The following RPGRIP1L variants were observed in gnomAD, a reference collection of about 807,000 sequenced individuals.
RPGRIP1L encodes the protein protein fantom.
RPGRIP1L carries 131 observed loss-of-function variants against 160.4 expected under a neutral mutation model. The ratio of observed to expected loss-of-function variants is 0.82; its 90% confidence interval spans 0.71 to 0.94. The LOEUF is 0.94. Among genes scored for constraint, RPGRIP1L ranks in the 40% least tolerant of loss-of-function variants. RPGRIP1L has a pLI of 0.00. For synonymous variants in RPGRIP1L, 510 were observed against 515.8 expected, an observed-to-expected ratio of 0.99 and a Z score of 0.15; for missense variants, 1,522 against 1,535.8, an observed-to-expected ratio of 0.99 and a Z score of 0.15.
At chr16:53,649,878 C>A in intron 15 of RPGRIP1L, among the ~76,000 whole-genome samples, 1 of 152,178 alleles carries the variant, frequency 6.6e-6, no homozygotes. Context: ...GCCATAATTT[C>A]CACCAATATA....
intron 26 of RPGRIP1L, among the ~76,000 whole-genome samples, chr16:53,603,147 G>C (rs535820765): frequency 6.6e-6 from 1 of 152,286 alleles, no homozygotes; most frequent in African/African-American, 2.4e-5. Flanking sequence ...AGCCCCGAAG[G>C]TAGACTATTT....
chr16:53,666,576 G>GTGTA (rs1487866997), intron 9 of RPGRIP1L, among the ~76,000 whole-genome samples: 6 of 128,238 alleles, frequency 4.7e-5, no homozygotes, highest in Admixed American at 2.8e-4. Flanking sequence ...ATGTGTGTGT[G>GTGTA]TGTGTGTGTG....
rs1249622165 is a variant in RPGRIP1L at position 53,608,065 on chromosome 16, C to G, written c.3702-2451G>C. On this transcript the variant is annotated intron_variant, in intron 25 of 26. Transcript: ENST00000647211. The stretch of plus-strand genomic sequence containing the variant: ...AGAACAGGAAGTGCTACCTGAGCTA[C>G]TCCTGCCTCCTCTTCCCACCTCTTT... 3.8e-6 allele frequency: 2 copies of G among 525,876 alleles called. 1 individual carries two copies. Among genetic ancestry groups the G allele is most frequent in the South Asian group, 1.6e-4 (2 of 12,214 alleles). The allele number at this position is 525,876 out of a possible 1,614,324, so 32.6% of individuals were successfully genotyped here.
intron 2 of RPGRIP1L, among the ~76,000 whole-genome samples, chr16:53,698,377 C>A (rs556603133): frequency 7.8e-6 from 1 of 128,498 alleles, no homozygotes; most frequent in Non-Finnish European, 1.5e-5. Flanking sequence ...GGGGGGTCAG[C>A]CCCCCGCCCG....
At chr16:53,660,792 C>T (rs752648384) in intron 10 of RPGRIP1L, among the ~76,000 whole-genome samples, 83 of 151,102 alleles carry the variant, frequency 5.5e-4, no homozygotes, top group Admixed American at 9.2e-4. Context: ...ACTCAGGAGG[C>T]TGAGGCAGGA....
chr16:53,688,959 C>T (rs1970205293), intron 4 of RPGRIP1L, among the ~76,000 whole-genome samples: 1 of 151,696 alleles, frequency 6.6e-6, no homozygotes, highest in Non-Finnish European at 1.5e-5. Flanking sequence ...AATTCTTACG[C>T]TTTTCCTACA....
chr16:53,687,801 T>TAA, intron 5 of RPGRIP1L, 62 bp downstream of exon 5: 7 of 872,232 alleles, frequency 8.0e-6, no homozygotes, highest in East Asian at 2.8e-5. Context: ...AAGGGAAGGA[T>TAA]AAAAAAAAAA....
rs1313966096 is a variant in RPGRIP1L, at chr16:53,646,015, T to C, written c.2305-12A>G. The C allele has an allele frequency of 6.2e-7, 1 of 1,612,664 alleles. No homozygotes were observed. Among genetic ancestry groups the C allele is most frequent in the Non-Finnish European group, 8.5e-7 (1 of 1,178,716 alleles). On this transcript the variant is annotated splice_polypyrimidine_tract_variant and intron_variant, in intron 16 of 26. Coordinates refer to ENST00000647211, the MANE Select transcript of RPGRIP1L (RefSeq NM_015272.5). ...GCTTGCTGACTTAACTGGAAAAACATACATATTTATATTAAGGAAATAACA... is the reference window on the plus strand; with the variant it reads ...GCTTGCTGACTTAACTGGAAAAACACACATATTTATATTAAGGAAATAACA...
In RPGRIP1L at chr16:53,598,339, G is replaced by A. The variant is rs1311458502; in HGVS notation, c.*3737C>T. Reference sequence around the variant, plus strand: ...GATCGAAGTCTAAGAGTACCAGATTGCACTTCCAAAAGCCTGAAGGAAAAA... The same window carrying A: ...GATCGAAGTCTAAGAGTACCAGATTACACTTCCAAAAGCCTGAAGGAAAAA... On this transcript the variant is annotated 3_prime_UTR_variant, in exon 27 of 27. Coordinates refer to ENST00000647211, the MANE Select transcript of RPGRIP1L (RefSeq NM_015272.5). The A allele has an allele frequency of 2.0e-5, 3 of 152,086 alleles. No homozygotes were observed. The highest frequency in any genetic ancestry group is 7.2e-5 in the African/African-American group (3 of 41,412). The allele number at this position is 152,086 out of a possible 1,614,324, so 9.4% of individuals were successfully genotyped here.
At chr16:53,681,975 C>T (rs1313110630) in intron 6 of RPGRIP1L, among the ~76,000 whole-genome samples, 1 of 152,066 alleles carries the variant, frequency 6.6e-6, no homozygotes, top group Non-Finnish European at 1.5e-5. Context: ...GTAAATTATA[C>T]CAAGTTTTAT....
At chr16:53,658,057 T>A (rs192120413) in intron 12 of RPGRIP1L, among the ~76,000 whole-genome samples, 135 of 152,260 alleles carry the variant, frequency 8.9e-4, no homozygotes, top group African/African-American at 3.2e-3. Context: ...TTACTTAGGG[T>A]GTGCATCAAG....
At chr16:53,691,103 T>C (rs1342809424) in intron 4 of RPGRIP1L, among the ~76,000 whole-genome samples, 2 of 151,592 alleles carry the variant, frequency 1.3e-5, no homozygotes, top group African/African-American at 4.9e-5. Context: ...TTCATAGTGG[T>C]TTTTCGTTTT....
rs1963624413 is a variant in RPGRIP1L at position 53,605,507 on chromosome 16, C to T, written c.3809G>A (p.Arg1270Lys). Residue 1270 changes from arginine (R) to lysine (K), a missense_variant, in exon 26 of 27, where the codon AGG becomes AAG. Transcript: ENST00000647211. Reference protein sequence around the residue: ...VDLADMFQEGRDLIEQNIDVF... With the variant: ...VDLADMFQEGKDLIEQNIDVF... ...ATCGATATTTTGCTCAATGAGGTCC[C>T]TCCCTTCCTGAAACATGTCGGCAAG... 7 of 1,614,158 alleles carry T rather than the reference C, an allele frequency of 4.3e-6. No homozygotes were observed. Among genetic ancestry groups the T allele is most frequent in the African/African-American group, 4.0e-5 (3 of 75,032 alleles).
intron 20 of RPGRIP1L, 60 bp from the exon 21 acceptor site, chr16:53,637,914 T>C: frequency 6.6e-7 from 1 of 1,510,094 alleles, no homozygotes; most frequent in Non-Finnish European, 9.2e-7. Flanking sequence ...TTTATAGCAT[T>C]ATTGCTGGAA....
chr16:53,645,503 C>T (rs1598309018), intron 17 of RPGRIP1L, 122 bp downstream of exon 17: 1 of 822,944 alleles, frequency 1.2e-6, no homozygotes, highest in Non-Finnish European at 1.8e-6. Context: ...GTAATATAGG[C>T]CTAAAGTTTA....
intron 9 of RPGRIP1L, among the ~76,000 whole-genome samples, chr16:53,670,687 T>C (rs912927318): frequency 6.6e-6 from 1 of 152,146 alleles, no homozygotes; most frequent in African/African-American, 2.4e-5. Context: ...ACAGAGACAA[T>C]TGTAAGTGGA....
At chr16:53,648,103 CAAA>C (rs781122239) in intron 16 of RPGRIP1L, among the ~76,000 whole-genome samples, 3 of 39,118 alleles carry the variant, frequency 7.7e-5, no homozygotes, top group Admixed American at 5.3e-4. Flanking sequence ...GACTCCGTCT[CAAA>C]AAAAAAAAAA....
chr16:53,659,104 A>G (rs1249449427), intron 10 of RPGRIP1L: 7 of 658,082 alleles, frequency 1.1e-5, no homozygotes, highest in Non-Finnish European at 1.6e-5. Context: ...AACCCAAGAC[A>G]TAAGTTCACA....
At chr16:53,657,235 T>C (rs777821517) in intron 13 of RPGRIP1L, among the ~76,000 whole-genome samples, 4 of 151,680 alleles carry the variant, frequency 2.6e-5, no homozygotes, top group African/African-American at 4.8e-5. Flanking sequence ...AGCAAAACTC[T>C]GTCTCAAAAA....
Sources: allele counts gnomAD v4.1 joint callset (sites outside exome capture counted in the v4.1 genomes callset), GRCh38; gene constraint gnomAD v4.1.1; transcripts MANE v1.5; gene names NCBI Gene and HGNC (gene_info 2026-07-23, HGNC 2026-07-21).